The following EVA1C variants were observed in gnomAD, a reference collection of about 807,000 sequenced individuals.
EVA1C encodes the protein protein eva-1 homolog C.
In EVA1C, 25 loss-of-function variants were observed where a neutral mutation model predicts 45.4. That is an observed-to-expected ratio of 0.55 (90% CI 0.40 to 0.77). EVA1C has a LOEUF of 0.77. EVA1C is among the 30% of genes least tolerant of loss of function. EVA1C has a pLI of 0.00. For missense variants in EVA1C, 479 were observed against 554.8 expected, an observed-to-expected ratio of 0.86 and a Z score of 1.37; for synonymous variants, 190 against 221.2, an observed-to-expected ratio of 0.86 and a Z score of 1.25.
intron 7 of EVA1C, among the ~76,000 whole-genome samples, chr21:32,511,168 C>G (rs1024051617): frequency 2.0e-5 from 3 of 152,104 alleles, no homozygotes; most frequent in African/African-American, 7.2e-5. Context: ...GTAATCCCAG[C>G]ACTTTGGGAA....
At chr21:32,438,951 T>C (rs1490716140) in intron 1 of EVA1C, among the ~76,000 whole-genome samples, 1 of 151,952 alleles carries the variant, frequency 6.6e-6, no homozygotes, top group Non-Finnish European at 1.5e-5. Flanking sequence ...AGCATAAGAT[T>C]GAAGCCAGGC....
At position 32,515,249 on chromosome 21, in the gene EVA1C, C is replaced by T. The variant is rs183744376; in HGVS notation, c.*59C>T. On this transcript the variant is annotated 3_prime_UTR_variant, in exon 8 of 8. Transcript: ENST00000300255. ...TGAAGAAGGAAGGATCCCAAATGCCCCTCCAGTTCTGGTTCACCTGTACCT... is the reference window on the plus strand; with the variant it reads ...TGAAGAAGGAAGGATCCCAAATGCCTCTCCAGTTCTGGTTCACCTGTACCT... The T allele has an allele frequency of 1.6e-5, 24 of 1,512,016 alleles. No homozygotes were observed. Among genetic ancestry groups the T allele is most frequent in the Non-Finnish European group, 2.1e-5 (24 of 1,125,368 alleles). 93.7% of individuals were successfully genotyped at this position (1,512,016 alleles called of 1,614,324 possible).
At chr21:32,496,368 T>C (rs994860355) in intron 5 of EVA1C, among the ~76,000 whole-genome samples, 1 of 152,218 alleles carries the variant, frequency 6.6e-6, no homozygotes, top group Admixed American at 6.5e-5. Flanking sequence ...TTCCATTGCA[T>C]CCTTAGAATT....
intron 1 of EVA1C, among the ~76,000 whole-genome samples, chr21:32,450,503 GGACCACAGTCC>G (rs1568896398): frequency 2.0e-4 from 4 of 19,810 alleles, no homozygotes; most frequent in Non-Finnish European, 3.5e-4. Flanking sequence ...TTTATTCCCC[GGACCACAGTCC>G]GGGAATGCTG....
At chr21:32,488,663 G>C (rs1568937004) in intron 4 of EVA1C, among the ~76,000 whole-genome samples, 1 of 151,060 alleles carries the variant, frequency 6.6e-6, no homozygotes. Flanking sequence ...TCAGCTCACT[G>C]CAACCTCCGC....
intron 2 of EVA1C, among the ~76,000 whole-genome samples, chr21:32,454,490 G>T (rs1411472183): frequency 6.6e-6 from 1 of 152,072 alleles, no homozygotes; most frequent in Non-Finnish European, 1.5e-5. Context: ...TTTCAATGAT[G>T]GTTTTAGACT....
intron 7 of EVA1C, among the ~76,000 whole-genome samples, chr21:32,510,814 C>T (rs2037921522): frequency 6.6e-6 from 1 of 152,182 alleles, no homozygotes; most frequent in African/African-American, 2.4e-5. Context: ...GCAGGAGGAT[C>T]ACTTTCAGCC....
intron 1 of EVA1C, among the ~76,000 whole-genome samples, chr21:32,444,010 G>A (rs2035272771): frequency 1.3e-5 from 2 of 149,158 alleles, no homozygotes; most frequent in Admixed American, 1.3e-4. Flanking sequence ...TATGAGACAG[G>A]GCCACAGCCA....
chr21:32,455,674 A>G (rs1021753019), intron 2 of EVA1C, among the ~76,000 whole-genome samples: 4 of 151,950 alleles, frequency 2.6e-5, no homozygotes, highest in African/African-American at 9.7e-5. Context: ...AAAAGTAGGA[A>G]CTCTTGGCAT....
chr21:32,465,850 C>T (rs2036153567), intron 3 of EVA1C, among the ~76,000 whole-genome samples: 2 of 152,172 alleles, frequency 1.3e-5, no homozygotes, highest in Admixed American at 6.5e-5. Context: ...ATTTACATAG[C>T]ATAAAATTCA....
Position 32,495,205 on chromosome 21 carries a change from A to G in EVA1C, c.778+35A>G, listed in dbSNP as rs199942564. 2.4e-3 allele frequency: 3,777 copies of G among 1,607,018 alleles called. 82 individuals are homozygous for G. The South Asian group carries it at 0.033, about 14-fold the overall frequency. ...CACCCCCGACCAGCTGCCTGATGAC[A>G]CTGCCTCTTTTGGGGGAGGGTGGTG... is the stretch of plus-strand genomic sequence containing the variant. On this transcript the variant is annotated intron_variant, in intron 5 of 7. Transcript: ENST00000300255.
chr21:32,438,390 G>C (rs1601257248), intron 1 of EVA1C, among the ~76,000 whole-genome samples: 1 of 151,362 alleles, frequency 6.6e-6, no homozygotes, highest in Non-Finnish European at 1.5e-5. Context: ...CCAGCTACTC[G>C]GGAGGCTGAG....
chr21:32,422,092 G>A (rs926236112), intron 1 of EVA1C, among the ~76,000 whole-genome samples: 13 of 147,830 alleles, frequency 8.8e-5, no homozygotes, highest in African/African-American at 3.0e-4. Context: ...ATTTAAGAAG[G>A]AATCTAAAAC....
intron 1 of EVA1C, among the ~76,000 whole-genome samples, chr21:32,420,730 GC>G (rs1444926238): frequency 6.6e-6 from 1 of 152,136 alleles, no homozygotes; most frequent in Non-Finnish European, 1.5e-5. Flanking sequence ...AGCACTCTAT[GC>G]CAGACACTGT....
chr21:32,464,142 A>G (rs77951076), intron 3 of EVA1C, among the ~76,000 whole-genome samples: 2 of 152,230 alleles, frequency 1.3e-5, no homozygotes, highest in Non-Finnish European at 2.9e-5. Context: ...GCAGTCTTTT[A>G]TCTAGAGAAA....
At position 32,515,132 on chromosome 21, in the gene EVA1C, T is replaced by G. The variant is rs768481839; in HGVS notation, c.1268T>G (p.Ile423Arg). ...IERREQIIQE[I>R]WMNSGLDTSL... ...CGCAGGGAGCAAATCATTCAGGAAA[T>G]ATGGATGAACAGTGGTTTGGACACC... The change falls in exon 8 of 8, where the codon ATA becomes AGA. Residue 423 changes from isoleucine to arginine, a missense_variant. This residue lies in a region of EVA1C where 366 missense variants were observed against 426.1 expected (regional missense o/e 0.86). Transcript: ENST00000300255. The G allele has an allele frequency of 1.2e-6, 2 of 1,613,350 alleles. No homozygotes were observed. Among genetic ancestry groups the G allele is most frequent in the South Asian group, 2.2e-5 (2 of 90,996 alleles).
intron 6 of EVA1C, among the ~76,000 whole-genome samples, chr21:32,503,700 C>T (rs1351320405): frequency 6.6e-6 from 1 of 152,146 alleles, no homozygotes; most frequent in African/African-American, 2.4e-5. Flanking sequence ...ACACTTAAAA[C>T]AATTTCTAAT....
At chr21:32,496,964 T>C in intron 5 of EVA1C, 1 of 1,429,846 alleles carries the variant, frequency 7.0e-7, no homozygotes, top group Admixed American at 1.7e-5. Flanking sequence ...AATGTGCAGG[T>C]TGGAGATCTC....
intron 4 of EVA1C, among the ~76,000 whole-genome samples, chr21:32,485,061 C>T (rs1184727213): frequency 6.6e-6 from 1 of 152,208 alleles, no homozygotes; most frequent in Non-Finnish European, 1.5e-5. Flanking sequence ...TAGACGCATG[C>T]GTCTTCCTCT....
Sources: gnomAD v4.1 joint callset for allele counts (sites outside exome capture counted in the v4.1 genomes callset) on GRCh38, gnomAD v4.1.1 for gene constraint, gnomAD v4.1.1 regional missense constraint, MANE v1.5 for transcripts, NCBI Gene and HGNC (gene_info 2026-07-23, HGNC 2026-07-21) for gene names.